Variants in KHDRBS2 observed in about 807,000 individuals in gnomAD.
KHDRBS2 encodes the protein KH domain-containing, RNA-binding, signal transduction-associated protein 2.
KHDRBS2 carries 26 observed loss-of-function variants against 44.3 expected under a neutral mutation model. That is an observed-to-expected ratio of 0.59 (90% CI 0.43 to 0.81). KHDRBS2 has a LOEUF of 0.81. Among genes scored for constraint, KHDRBS2 ranks in the 40% least tolerant of loss-of-function variants. The pLI, the probability that KHDRBS2 is intolerant of heterozygous loss-of-function variation, is 0.00. For synonymous variants in KHDRBS2, 194 were observed against 151.1 expected (o/e 1.28, Z -2.08); for missense variants, 476 against 433.1 (o/e 1.10, Z -0.88).
intron 4 of KHDRBS2, among the ~76,000 whole-genome samples, chr6:61,936,201 C>T (rs1322301089): frequency 6.6e-6 from 1 of 152,004 alleles, no homozygotes; most frequent in Non-Finnish European, 1.5e-5. Flanking sequence ...GCTTCCTCTC[C>T]AGTTCTATTT....
the KHDRBS2 span, among the ~76,000 whole-genome samples, chr6:61,623,321 T>C: frequency 6.6e-6 from 1 of 152,186 alleles, no homozygotes; most frequent in Non-Finnish European, 1.5e-5. Context: ...TGGCAAATCC[T>C]ACAGTGTTGG....
At chr6:61,792,723 G>T (rs942107760) in intron 6 of KHDRBS2, among the ~76,000 whole-genome samples, 6 of 151,844 alleles carry the variant, frequency 4.0e-5, no homozygotes, top group South Asian at 2.1e-4. Flanking sequence ...CTGTAAGTTA[G>T]CTAGGAGTTG....
At chr6:61,728,306 G>C (rs1259684357) in intron 7 of KHDRBS2, among the ~76,000 whole-genome samples, 1 of 152,036 alleles carries the variant, frequency 6.6e-6, no homozygotes, top group African/African-American at 2.4e-5. Context: ...TGTGGAGGGA[G>C]GGAGGGCATC....
At chr6:61,671,089 T>G in the KHDRBS2 span, among the ~76,000 whole-genome samples, 3 of 151,714 alleles carry the variant, frequency 2.0e-5, no homozygotes, top group Non-Finnish European at 4.4e-5. Context: ...AAAAGTAGAC[T>G]GTGAATTTAG....
In KHDRBS2 at chr6:61,680,233, A is replaced by T. The variant is rs1766168609; in HGVS notation, c.*730T>A. On this transcript the variant is annotated 3_prime_UTR_variant, in exon 9 of 9. Transcript: ENST00000281156. Reference sequence around the variant, plus strand: ...AAAGCTAGAAAACAAGTAATTCCAAATTTAATTTTTACAAAAGTTTTCAGC... The same window carrying T: ...AAAGCTAGAAAACAAGTAATTCCAATTTTAATTTTTACAAAAGTTTTCAGC... 6.6e-6 allele frequency: 1 copy of T among 152,340 alleles called. No homozygotes were observed. The highest frequency in any genetic ancestry group is 2.4e-5 in the African/African-American group (1 of 41,426). The allele number at this position is 152,340 out of a possible 1,614,324, so 9.4% of individuals were successfully genotyped here. A position where few individuals can be genotyped will look rare whatever the true frequency, so the allele number is the denominator to read the frequency against.
At chr6:62,025,119 C>A (rs545482262) in intron 3 of KHDRBS2, among the ~76,000 whole-genome samples, 1 of 151,478 alleles carries the variant, frequency 6.6e-6, no homozygotes, top group Non-Finnish European at 1.5e-5. Flanking sequence ...TTTAAATTTG[C>A]CAATATTCTC....
chr6:61,681,148 A>G, intron 8 of KHDRBS2, 88 bp from the exon 9 acceptor site: 2 of 863,486 alleles, frequency 2.3e-6, no homozygotes, highest in Non-Finnish European at 3.8e-6. Flanking sequence ...ACCGAGAAAA[A>G]GAAAACAAAA....
At chr6:62,182,885 T>C (rs992927406) in intron 1 of KHDRBS2, among the ~76,000 whole-genome samples, 94 of 151,900 alleles carry the variant, frequency 6.2e-4, no homozygotes, top group African/African-American at 2.0e-3. Context: ...TTTAATACTC[T>C]TTCTGAAAAT....
In KHDRBS2 at chr6:61,732,774, A is replaced by G. The variant is rs1283800585; in HGVS notation, c.811-10T>C. On this transcript the variant is annotated splice_polypyrimidine_tract_variant and intron_variant, in intron 6 of 8. Transcript: ENST00000281156. ...AGCCATCATCATAACCCTGAGACAA[A>G]AAAATGGTAGAAACACCTGTTAGTC... The G allele has an allele frequency of 6.7e-7, 1 of 1,499,546 alleles. No individual in the cohort carries two copies. 92.9% of individuals were successfully genotyped at this position (1,499,546 alleles called of 1,614,324 possible).
At chr6:61,631,946 CT>C in the KHDRBS2 span, among the ~76,000 whole-genome samples, 1 of 152,074 alleles carries the variant, frequency 6.6e-6, no homozygotes, top group East Asian at 1.9e-4. Flanking sequence ...CAAAGACTAT[CT>C]GTGAAACTCT....
the KHDRBS2 span, among the ~76,000 whole-genome samples, chr6:61,551,564 T>C: frequency 1.3e-5 from 2 of 152,176 alleles, no homozygotes; most frequent in East Asian, 3.9e-4. Context: ...TGGGGTCCAG[T>C]TTCAATCTTC....
chr6:61,627,427 T>C, the KHDRBS2 span, among the ~76,000 whole-genome samples: 1 of 152,166 alleles, frequency 6.6e-6, no homozygotes, highest in Admixed American at 6.5e-5. Context: ...GGAGAACCTC[T>C]AGATAGTTTA....
intron 7 of KHDRBS2, among the ~76,000 whole-genome samples, chr6:61,729,556 G>A (rs1257720008): frequency 6.6e-6 from 1 of 152,068 alleles, no homozygotes; most frequent in Admixed American, 6.6e-5. Context: ...ATCCCTATCA[G>A]CAATATATGA....
chr6:62,080,312 C>A (rs1797151498), intron 2 of KHDRBS2, among the ~76,000 whole-genome samples: 1 of 152,046 alleles, frequency 6.6e-6, no homozygotes, highest in Non-Finnish European at 1.5e-5. Flanking sequence ...CCTCTATAGA[C>A]AAATCTATTT....
intron 1 of KHDRBS2, among the ~76,000 whole-genome samples, chr6:62,223,780 A>T (rs1831295212): frequency 6.6e-6 from 1 of 152,168 alleles, no homozygotes; most frequent in Non-Finnish European, 1.5e-5. Context: ...CTAAAACCTG[A>T]GAAGAGTCAC....
intron 1 of KHDRBS2, among the ~76,000 whole-genome samples, chr6:62,224,365 A>G (rs1047153176): frequency 1.3e-5 from 2 of 152,156 alleles, no homozygotes; most frequent in African/African-American, 4.8e-5. Flanking sequence ...GGAGTAATTC[A>G]AGATAAGATT....
intron 4 of KHDRBS2, among the ~76,000 whole-genome samples, chr6:61,951,005 G>C (rs570926346): frequency 5.0e-4 from 76 of 152,084 alleles, no homozygotes; most frequent in Non-Finnish European, 9.9e-4. Context: ...TTTCCTTCCA[G>C]GGAAGCATGA....
intron 3 of KHDRBS2, among the ~76,000 whole-genome samples, chr6:62,003,686 T>C (rs1778689076): frequency 6.6e-6 from 1 of 152,070 alleles, no homozygotes; most frequent in Non-Finnish European, 1.5e-5. Context: ...TCTACAGAAC[T>C]CTCTACCCAA....
intron 6 of KHDRBS2, among the ~76,000 whole-genome samples, chr6:61,818,414 G>C (rs567157698): frequency 6.6e-6 from 1 of 151,916 alleles, no homozygotes; most frequent in East Asian, 1.9e-4. Flanking sequence ...AAAGAGAAGT[G>C]GAAGCACCAA....
Sources: allele counts gnomAD v4.1 joint callset (sites outside exome capture counted in the v4.1 genomes callset), GRCh38; gene constraint gnomAD v4.1.1; transcripts MANE v1.5; gene names NCBI Gene and HGNC (gene_info 2026-07-23, HGNC 2026-07-21).